Variants in C9orf72 observed in about 807,000 individuals in gnomAD.
The protein encoded by C9orf72 is C9orf72-SMCR8 complex subunit.
C9orf72 carries 44 observed loss-of-function variants against 51.6 expected under a neutral mutation model. The ratio of observed to expected loss-of-function variants is 0.85; its 90% CI spans 0.67 to 1.10. C9orf72 has a LOEUF of 1.10. Among genes scored for constraint, C9orf72 ranks in the 50% least tolerant of loss-of-function variants. The probability of loss-of-function intolerance (pLI) is 0.00; values close to 1 mark genes in which losing one functional copy is unlikely to be tolerated. For missense variants in C9orf72, 607 were observed against 570.6 expected, an observed-to-expected ratio of 1.06 and a Z score of -0.65; for synonymous variants, 213 against 194.2, an observed-to-expected ratio of 1.10 and a Z score of -0.81.
At chr9:27,556,533 C>A (rs1352722445) in intron 8 of C9orf72, 28 bp downstream of exon 8, 1 of 1,415,358 alleles carries the variant, frequency 7.1e-7, no homozygotes, top group Admixed American at 1.7e-5. Flanking sequence ...TGCTTGACTA[C>A]AGTACCAGCA....
intron 1 of C9orf72, among the ~76,000 whole-genome samples, chr9:27,571,686 A>T (rs1819589532): frequency 1.3e-5 from 2 of 152,166 alleles, no homozygotes; most frequent in African/African-American, 4.8e-5. Flanking sequence ...TCCTGGCTTC[A>T]AGTGATCCTC....
chr9:27,556,620 T>A lies in C9orf72; in HGVS notation c.1032A>T (p.Ser344=). ...SELTAFWRAT[S]EEDMAQDTII... ...TCGTATCCTGAGCCATGTCTTCTTC[T>A]GAAGTGGCTCTCCAGAAGGCTGTCA... Residue 344 remains serine (S), a synonymous_variant, in exon 8 of 11, where the codon TCA becomes TCT. Coordinates refer to ENST00000380003, the MANE Select transcript of C9orf72 (RefSeq NM_018325.5). 6.2e-7 allele frequency: 1 copy of A among 1,614,060 alleles called. No individual in the cohort carries two copies.
At chr9:27,561,505 T>C in intron 5 of C9orf72, 80 bp downstream of exon 5, 1 of 1,576,760 alleles carries the variant, frequency 6.3e-7, no homozygotes, top group Non-Finnish European at 8.6e-7. Context: ...TCTGTTATTT[T>C]CTTTCTTCCA....
rs145945738 is a variant in C9orf72, at chr9:27,558,037, G to T, written c.855+454C>A. ...TCCTTGACAGTAGACTCAAATAAAAGAAAAATACAATTTTTTTCTAATATA... is the reference window on the plus strand; with the variant it reads ...TCCTTGACAGTAGACTCAAATAAAATAAAAATACAATTTTTTTCTAATATA... On this transcript the variant is annotated intron_variant, in intron 7 of 10. Transcript: ENST00000380003. 3.6e-3 allele frequency among the ~76,000 whole-genome samples: 534 copies of T among 149,470 alleles called. 1 individual carries two copies. Among genetic ancestry groups the T allele is most frequent in the Non-Finnish European group, 6.1e-3 (408 of 67,324 alleles).
At chr9:27,570,072 G>GT (rs1182008731) in intron 1 of C9orf72, among the ~76,000 whole-genome samples, 1 of 152,128 alleles carries the variant, frequency 6.6e-6, no homozygotes, top group Non-Finnish European at 1.5e-5. Flanking sequence ...TTTAACACGT[G>GT]TATTTGTAAT....
intron 2 of C9orf72, 86 bp from the exon 3 acceptor site, chr9:27,565,676 A>G (rs1406634667): frequency 2.4e-6 from 2 of 846,360 alleles, no homozygotes; most frequent in Non-Finnish European, 3.8e-6. Context: ...CTTGTGTAGT[A>G]ATTTAGTTCA....
intron 8 of C9orf72, among the ~76,000 whole-genome samples, chr9:27,553,023 G>A (rs1229798632): frequency 1.3e-5 from 2 of 152,064 alleles, no homozygotes; most frequent in African/African-American, 4.8e-5. Flanking sequence ...GGAACAGATT[G>A]AGTAGGAATA....
At chr9:27,569,159 G>A (rs992565507) in intron 1 of C9orf72, among the ~76,000 whole-genome samples, 4 of 152,040 alleles carry the variant, frequency 2.6e-5, no homozygotes, top group African/African-American at 9.7e-5. Flanking sequence ...TTTTTGTATA[G>A]CTATACAATG....
At chr9:27,558,910 T>C (rs1283145805) in intron 6 of C9orf72, 3 of 214,246 alleles carry the variant, frequency 1.4e-5, no homozygotes, top group South Asian at 1.7e-4. Context: ...CTCAGACTTA[T>C]TTGACCATGC....
intron 2 of C9orf72, among the ~76,000 whole-genome samples, chr9:27,566,335 T>C (rs117281883): frequency 0.026 from 3,883 of 152,164 alleles, 79 homozygotes; most frequent in Non-Finnish European, 0.042. Flanking sequence ...TACTTACACA[T>C]AGTAGTAAGC....
chr9:27,568,733 A>C (rs1234947258), intron 1 of C9orf72, among the ~76,000 whole-genome samples: 1 of 152,194 alleles, frequency 6.6e-6, no homozygotes, highest in Admixed American at 6.5e-5. Context: ...TAGCACATAC[A>C]ATTATTACAG....
At chr9:27,555,558 A>AT (rs35184194) in intron 8 of C9orf72, among the ~76,000 whole-genome samples, 3,307 of 135,758 alleles carry the variant, frequency 0.024, 102 homozygotes, top group African/African-American at 0.081. Context: ...TATTGCAAGC[A>AT]TTTTTTTTTT....
chr9:27,565,663 G>T, intron 2 of C9orf72, 73 bp from the exon 3 acceptor site: 1 of 939,446 alleles, frequency 1.1e-6, no homozygotes, highest in Non-Finnish European at 1.7e-6. Context: ...CAATAGACAT[G>T]TTCTTGTGTA....
intron 8 of C9orf72, among the ~76,000 whole-genome samples, chr9:27,553,844 T>A (rs1368771305): frequency 1.3e-5 from 2 of 151,876 alleles, no homozygotes; most frequent in East Asian, 3.9e-4. Context: ...TAAAACTAAT[T>A]AACAAGCAAA....
intron 8 of C9orf72, among the ~76,000 whole-genome samples, chr9:27,553,528 AC>A (rs1251295392): frequency 2.0e-5 from 3 of 152,182 alleles, no homozygotes; most frequent in African/African-American, 7.2e-5. Context: ...GTGAAACTGG[AC>A]CCCTTCCTTG....
At chr9:27,560,329 A>G in intron 5 of C9orf72, 30 bp from the exon 6 acceptor site, 1 of 1,549,290 alleles carries the variant, frequency 6.5e-7, no homozygotes, top group East Asian at 2.3e-5. Flanking sequence ...GATTAAAAAC[A>G]TTGCCTATAA....
intron 9 of C9orf72, 151 bp from the exon 10 acceptor site, chr9:27,548,817 A>G (rs866500480): frequency 1.8e-6 from 1 of 552,908 alleles, no homozygotes; most frequent in Middle Eastern, 3.4e-4. Flanking sequence ...GGAGTGTGGT[A>G]TAGAAGCACT....
In C9orf72 at chr9:27,566,888, C is replaced by T; in HGVS notation, c.233G>A (p.Gly78Asp). Residue 78 changes from glycine to aspartate, a missense_variant, in exon 2 of 11, where the codon GGT (glycine) becomes GAT (aspartate). Transcript: ENST00000380003. ...NGEILRNAES[G>D]AIDVKFFVLS... is the part of the protein sequence containing the mutation. The stretch of plus-strand genomic sequence containing the variant: ...GACAAAAAACTTTACATCTATAGCA[C>T]CACTCTCTGCATTTCGAAGGATTTC... The T allele has an allele frequency of 2.5e-6, 4 of 1,613,994 alleles. No individual in the cohort carries two copies. The highest frequency in any genetic ancestry group is 3.4e-6 in the Non-Finnish European group (4 of 1,179,908).
intron 1 of C9orf72, among the ~76,000 whole-genome samples, chr9:27,568,962 G>A (rs1710993968): frequency 6.6e-6 from 1 of 151,954 alleles, no homozygotes; most frequent in African/African-American, 2.4e-5. Context: ...ACCTTCCAGT[G>A]GGACAAGATG....
Sources: allele counts gnomAD v4.1 joint callset (sites outside exome capture counted in the v4.1 genomes callset), GRCh38; gene constraint gnomAD v4.1.1; transcripts MANE v1.5; gene names NCBI Gene and HGNC (gene_info 2026-07-23, HGNC 2026-07-21).